The following ZNF599 variants were observed in gnomAD, a reference collection of about 807,000 sequenced individuals.
ZNF599 encodes zinc finger protein 599.
Under a neutral mutation model 11.7 loss-of-function variants are expected in ZNF599, and 10 were observed. That is an observed-to-expected ratio of 0.86 (90% CI 0.53 to 1.45). The LOEUF (loss-of-function observed/expected upper bound fraction) is 1.45, where lower values mean the gene tolerates loss of function less well. ZNF599 is among the 40% of genes most tolerant of loss of function. ZNF599 has a pLI of 0.00. For missense variants in ZNF599, 688 were observed against 713.6 expected, an observed-to-expected ratio of 0.96 and a Z score of 0.41; for synonymous variants, 232 against 253.2, an observed-to-expected ratio of 0.92 and a Z score of 0.79.
At chr19:34,779,503 G>A in the ZNF599 span, 1 of 456,532 alleles carries the variant, frequency 2.2e-6, no homozygotes, top group Non-Finnish European at 4.4e-6. Context: ...CACATTTGCT[G>A]TACTCATAAG....
the ZNF599 span, among the ~76,000 whole-genome samples, chr19:34,783,927 G>A: frequency 6.6e-6 from 1 of 152,170 alleles, no homozygotes; most frequent in Non-Finnish European, 1.5e-5. Context: ...CCATGGCCAT[G>A]TTCATAGGCT....
At chr19:34,780,670 A>T in the ZNF599 span, among the ~76,000 whole-genome samples, 3 of 140,020 alleles carry the variant, frequency 2.1e-5, no homozygotes, top group East Asian at 4.7e-4. Flanking sequence ...GGAGGGAAGG[A>T]AGGAAGGGGG....
At chr19:34,805,964 C>T in the ZNF599 span, among the ~76,000 whole-genome samples, 2 of 152,190 alleles carry the variant, frequency 1.3e-5, no homozygotes, top group Non-Finnish European at 2.9e-5. Context: ...TATATACTAC[C>T]TCTGGCCGAG....
chr19:34,788,566 GC>G, the ZNF599 span: 6 of 152,252 alleles, frequency 3.9e-5, no homozygotes, highest in East Asian at 1.2e-3. Flanking sequence ...AAATTAACCT[GC>G]ATAAAATGAA....
At chr19:34,787,638 G>C in the ZNF599 span, among the ~76,000 whole-genome samples, 4 of 152,268 alleles carry the variant, frequency 2.6e-5, no homozygotes, top group South Asian at 6.2e-4. Context: ...CTAATACTCA[G>C]GGAATTCACC....
At chr19:34,783,922 G>A in the ZNF599 span, among the ~76,000 whole-genome samples, 1 of 152,134 alleles carries the variant, frequency 6.6e-6, no homozygotes, top group African/African-American at 2.4e-5. Flanking sequence ...CCACACCATG[G>A]CCATGTTCAT....
At chr19:34,777,547 T>C (rs1306105288), upstream of ZNF599, among the ~76,000 whole-genome samples, 1 of 123,294 alleles carries the variant, frequency 8.1e-6, no homozygotes, top group Non-Finnish European at 1.6e-5. Flanking sequence ...TATATCTATA[T>C]TATATATAAT....
chr19:34,768,765 C>T (rs917977025), intron 2 of ZNF599, among the ~76,000 whole-genome samples: 2 of 152,178 alleles, frequency 1.3e-5, no homozygotes, highest in Admixed American at 6.5e-5. Context: ...TCACCAACAG[C>T]TATGGGAGTG....
intron 2 of ZNF599, among the ~76,000 whole-genome samples, chr19:34,768,074 G>C (rs1163595818): frequency 1.3e-5 from 2 of 152,224 alleles, no homozygotes; most frequent in Admixed American, 1.3e-4. Flanking sequence ...GGACCCAGAA[G>C]CATCAACTGG....
At chr19:34,776,537 C>A (rs769743062), upstream of ZNF599, among the ~76,000 whole-genome samples, 6 of 152,144 alleles carry the variant, frequency 3.9e-5, no homozygotes, top group African/African-American at 1.4e-4. Context: ...AGCAAGGCAG[C>A]GGCTGTTTCT....
the ZNF599 span, among the ~76,000 whole-genome samples, chr19:34,793,138 T>C: frequency 1.2e-3 from 184 of 152,234 alleles, 1 homozygote; most frequent in African/African-American, 4.1e-3. Flanking sequence ...TAAATATGAA[T>C]TGAAATGAAC....
At chr19:34,777,498 T>TAA (rs1555769628), upstream of ZNF599, among the ~76,000 whole-genome samples, 1 of 110,222 alleles carries the variant, frequency 9.1e-6, no homozygotes, top group East Asian at 2.2e-4. Context: ...ATATGATATA[T>TAA]ATTAATATAT....
the ZNF599 span, among the ~76,000 whole-genome samples, chr19:34,807,350 G>A: frequency 2.6e-4 from 39 of 152,172 alleles, no homozygotes; most frequent in African/African-American, 8.9e-4. Flanking sequence ...GCCTGTGGGT[G>A]AATGGCTCCA....
At chr19:34,801,834 C>T in the ZNF599 span, among the ~76,000 whole-genome samples, 1 of 152,256 alleles carries the variant, frequency 6.6e-6, no homozygotes, top group African/African-American at 2.4e-5. Flanking sequence ...CACGAAAAAG[C>T]TCCTATCTAC....
intron 1 of ZNF599, 102 bp downstream of exon 1, chr19:34,772,721 CA>C: frequency 6.6e-7 from 1 of 1,525,916 alleles, no homozygotes; most frequent in Non-Finnish European, 8.8e-7. Context: ...CCTAGGGCAT[CA>C]AAAGGGAGAA....
chr19:34,803,913 G>C, the ZNF599 span, among the ~76,000 whole-genome samples: 1 of 152,134 alleles, frequency 6.6e-6, no homozygotes, highest in African/African-American at 2.4e-5. Context: ...CATAGATATT[G>C]CTATCTTCCT....
At position 34,759,091 on chromosome 19, in the gene ZNF599, C is replaced by T; in HGVS notation, c.1710G>A (p.Lys570=). The part of the protein sequence containing the change: ...EKPFECNECG[K]TFSHSSSFTH... ...TGAACGATGAACTGTGGCTGAAGGT[C>T]TTTCCACATTCATTGCATTCAAAGG... Residue 570 remains lysine (K), a synonymous_variant, in exon 4 of 4, where the codon AAG becomes AAA. Coordinates refer to ENST00000329285, the MANE Select transcript of ZNF599 (RefSeq NM_001007248.3). 6.2e-7 allele frequency: 1 copy of T among 1,614,106 alleles called. No individual in the cohort carries two copies. The highest frequency in any genetic ancestry group is 8.5e-7 in the Non-Finnish European group (1 of 1,179,980).
chr19:34,791,660 C>G, the ZNF599 span, among the ~76,000 whole-genome samples: 1 of 152,178 alleles, frequency 6.6e-6, no homozygotes, highest in Admixed American at 6.5e-5. Context: ...CCCCCAGTAG[C>G]AGGGAAGTGT....
the ZNF599 span, among the ~76,000 whole-genome samples, chr19:34,805,576 A>C: frequency 6.6e-6 from 1 of 152,104 alleles, no homozygotes; most frequent in Non-Finnish European, 1.5e-5. Context: ...GAATCCAGCC[A>C]CTTTCTCCAT....
Sources: allele counts gnomAD v4.1 joint callset (sites outside exome capture counted in the v4.1 genomes callset), GRCh38; gene constraint gnomAD v4.1.1; transcripts MANE v1.5; gene names NCBI Gene and HGNC (gene_info 2026-07-23, HGNC 2026-07-21).